RNF170: variants seen among roughly 807,000 people sequenced by gnomAD.
RNF170 encodes E3 ubiquitin-protein ligase RNF170.
A neutral mutation model predicts 32.7 loss-of-function variants in RNF170; 12 were observed. The ratio of observed to expected loss-of-function variants is 0.37; its 90% CI spans 0.24 to 0.60. RNF170 has a LOEUF of 0.60. Among genes scored for constraint, RNF170 ranks in the 20% least tolerant of loss-of-function variants. The pLI is 0.72. For missense variants in RNF170, 212 were observed against 311.2 expected, an observed-to-expected ratio of 0.68 and a Z score of 2.40; for synonymous variants, 91 against 103.6, an observed-to-expected ratio of 0.88 and a Z score of 0.74.
intron 2 of RNF170, among the ~76,000 whole-genome samples, chr8:42,876,657 GTTTT>G (rs541650996): frequency 3.3e-5 from 4 of 123,006 alleles, no homozygotes; most frequent in African/African-American, 1.3e-4. Flanking sequence ...TTTTTTGTGG[GTTTT>G]TTTTTTTTTT....
intron 1 of RNF170, among the ~76,000 whole-genome samples, chr8:42,891,519 G>A (rs1005132452): frequency 2.0e-5 from 3 of 152,054 alleles, no homozygotes; most frequent in African/African-American, 7.2e-5. Flanking sequence ...CCTAAAAAAC[G>A]CACCTTGACT....
rs143486237 is a variant in RNF170, at chr8:42,895,889, G to A, written c.-8+595C>T. 3.1e-3 allele frequency among the ~76,000 whole-genome samples: 473 copies of A among 152,340 alleles called. 2 individuals carry two copies. The highest frequency in any genetic ancestry group is 5.9e-3 in the Non-Finnish European group (400 of 68,032). On this transcript the variant is annotated intron_variant, in intron 1 of 6. Coordinates refer to ENST00000527424, the MANE Select transcript of RNF170 (RefSeq NM_030954.4). Reference sequence around the variant, plus strand: ...AATCAGGCTCCGAAAGGAGCACAGGGCATGGGTGAGAAACTCCTGGGGTGC... The same window carrying A: ...AATCAGGCTCCGAAAGGAGCACAGGACATGGGTGAGAAACTCCTGGGGTGC...
chr8:42,850,503 C>G, downstream of RNF170: 1 of 419,666 alleles, frequency 2.4e-6, no homozygotes, highest in Non-Finnish European at 4.4e-6. Flanking sequence ...CTGTCTTTCC[C>G]TTGCTTTATT....
Position 42,854,390 on chromosome 8 carries a change from A to G in RNF170, c.*1769T>C. 1.6e-6 allele frequency: 2 copies of G among 1,287,252 alleles called. No individual in the cohort carries two copies. Among genetic ancestry groups the G allele is most frequent in the East Asian group, 5.5e-5 (1 of 18,028 alleles). 79.7% of individuals were successfully genotyped at this position (1,287,252 alleles called of 1,614,324 possible). Reference sequence around the variant, plus strand: ...TTGTTGTATGACTTCATTCAAAAACACTTTCATCAATAGCATGGGGATTGT... The same window carrying G: ...TTGTTGTATGACTTCATTCAAAAACGCTTTCATCAATAGCATGGGGATTGT... On this transcript the variant is annotated 3_prime_UTR_variant, in exon 7 of 7. Coordinates refer to ENST00000527424, the MANE Select transcript of RNF170 (RefSeq NM_030954.4).
At chr8:42,850,737 T>C, downstream of RNF170, 2 of 1,549,308 alleles carry the variant, frequency 1.3e-6, no homozygotes, top group South Asian at 1.2e-5. Flanking sequence ...CTGCCTACTT[T>C]TGCACTACTT....
Position 42,854,225 on chromosome 8 carries a change from AG to A in RNF170, c.*1933del. ...TGCCTAAGCTGTCTTACTCTGATGG[AG>A]GTATAATGTAGCACGAAAGACTTCC... On this transcript the variant is annotated 3_prime_UTR_variant, in exon 7 of 7. Transcript: ENST00000527424. 7.8e-7 allele frequency: 1 copy of A among 1,287,208 alleles called. No individual in the cohort carries two copies. Among genetic ancestry groups the A allele is most frequent in the Non-Finnish European group, 1.0e-6 (1 of 988,686 alleles). The allele number at this position is 1,287,208 out of a possible 1,614,324, so 79.7% of individuals were successfully genotyped here. A position where few individuals can be genotyped will look rare whatever the true frequency, so the allele number is the denominator to read the frequency against.
chr8:42,874,890 G>A (rs1050517661), intron 2 of RNF170, among the ~76,000 whole-genome samples: 1 of 152,092 alleles, frequency 6.6e-6, no homozygotes, highest in African/African-American at 2.4e-5. Flanking sequence ...GTCAGATGTT[G>A]GCTGGGCACG....
At chr8:42,852,699 G>A (rs144828237), downstream of RNF170, among the ~76,000 whole-genome samples, 131 of 152,324 alleles carry the variant, frequency 8.6e-4, 2 homozygotes, top group East Asian at 0.014. Context: ...ACAGGTGTGA[G>A]CCACTGCGTC....
rs537765268 is a variant in RNF170 at position 42,895,680 on chromosome 8, T to G, written c.-8+804A>C. On this transcript the variant is annotated intron_variant, in intron 1 of 6. Transcript: ENST00000527424. The stretch of plus-strand genomic sequence containing the variant: ...CACTGTTCTATTCACACTGGAATAC[T>G]AGGCAACAATTAAAATTACCTATAC... Among the ~76,000 whole-genome samples the G allele has an allele frequency of 2.6e-5, 4 of 152,346 alleles. No individual in the cohort carries two copies. The East Asian group carries it at 7.7e-4, about 29-fold the overall frequency.
chr8:42,862,204 G>C (rs1363640982), intron 5 of RNF170, among the ~76,000 whole-genome samples: 1 of 152,056 alleles, frequency 6.6e-6, no homozygotes, highest in Non-Finnish European at 1.5e-5. Flanking sequence ...ATATATAACT[G>C]TCACTTTAAG....
At chr8:42,896,682 C>G (rs1441528247), upstream of RNF170, 1 of 423,322 alleles carries the variant, frequency 2.4e-6, no homozygotes, top group African/African-American at 2.1e-5. Flanking sequence ...TCGCCGCAGC[C>G]TCCAGGGCGG....
At chr8:42,880,000 A>C (rs779318998) in intron 2 of RNF170, among the ~76,000 whole-genome samples, 1 of 152,210 alleles carries the variant, frequency 6.6e-6, no homozygotes, top group South Asian at 2.1e-4. Context: ...TCATGGGAGG[A>C]GATCAAAATA....
In RNF170 at chr8:42,854,101, G is replaced by A; in HGVS notation, c.*2058C>T. 7.8e-7 allele frequency: 1 copy of A among 1,287,248 alleles called. No individual in the cohort carries two copies. Among genetic ancestry groups the A allele is most frequent in the Non-Finnish European group, 1.0e-6 (1 of 988,702 alleles). The allele number at this position is 1,287,248 out of a possible 1,614,324, so 79.7% of individuals were successfully genotyped here. A position where few individuals can be genotyped will look rare whatever the true frequency, so the allele number is the denominator to read the frequency against. The stretch of plus-strand genomic sequence containing the variant: ...GCTTTTCAAGTTGGTGACTGCAGCT[G>A]AAATGTTTTTCTGTGATGTATGCCA... On this transcript the variant is annotated 3_prime_UTR_variant, in exon 7 of 7. Coordinates refer to ENST00000527424, the MANE Select transcript of RNF170 (RefSeq NM_030954.4).
chr8:42,871,321 T>A (rs571034673), intron 3 of RNF170, among the ~76,000 whole-genome samples: 1 of 152,290 alleles, frequency 6.6e-6, no homozygotes, highest in Admixed American at 6.5e-5. Flanking sequence ...ATGAAAAATA[T>A]CTAATTACAG....
chr8:42,886,080 C>T (rs916081531), intron 2 of RNF170, among the ~76,000 whole-genome samples: 16 of 151,948 alleles, frequency 1.1e-4, no homozygotes, highest in African/African-American at 1.9e-4. Flanking sequence ...AAAAATTAGC[C>T]GGGCGTGGTG....
intron 2 of RNF170, among the ~76,000 whole-genome samples, chr8:42,880,271 T>C (rs933432432): frequency 2.0e-5 from 3 of 152,206 alleles, no homozygotes; most frequent in Non-Finnish European, 4.4e-5. Context: ...TTGTGAGCAT[T>C]GTTGAGATGA....
Position 42,855,677 on chromosome 8 carries a change from A to C in RNF170, c.*482T>G, listed in dbSNP as rs1480416933. The C allele has an allele frequency of 1.6e-6, 2 of 1,281,950 alleles. No homozygotes were observed. The highest frequency in any genetic ancestry group is 4.7e-5 in the Admixed American group (2 of 42,692). 79.4% of individuals were successfully genotyped at this position (1,281,950 alleles called of 1,614,324 possible). A position where few individuals can be genotyped will look rare whatever the true frequency, so the allele number is the denominator to read the frequency against. ...TGCTCCAAATGCACAAAACTTAGCT[A>C]GCACTAAAAGAAATACTGAATTTTC... On this transcript the variant is annotated 3_prime_UTR_variant, in exon 7 of 7. Coordinates refer to ENST00000527424, the MANE Select transcript of RNF170 (RefSeq NM_030954.4).
chr8:42,862,466 TG>T (rs1803733468), intron 5 of RNF170, among the ~76,000 whole-genome samples: 1 of 152,202 alleles, frequency 6.6e-6, no homozygotes, highest in Non-Finnish European at 1.5e-5. Context: ...AGGACCATAC[TG>T]GGGTAATCTG....
intron 2 of RNF170, among the ~76,000 whole-genome samples, chr8:42,886,352 G>A (rs1157580567): frequency 1.3e-5 from 2 of 152,246 alleles, no homozygotes; most frequent in Admixed American, 6.5e-5. Context: ...GCTTAGTGGA[G>A]TTCACTTAAC....
Sources: gnomAD v4.1 joint callset for allele counts (sites outside exome capture counted in the v4.1 genomes callset) on GRCh38, gnomAD v4.1.1 for gene constraint, MANE v1.5 for transcripts, NCBI Gene and HGNC (gene_info 2026-07-23, HGNC 2026-07-21) for gene names.